EPHA6: variants seen among roughly 807,000 people sequenced by gnomAD.
EPHA6 encodes ephrin type-A receptor 6.
In EPHA6, 50 loss-of-function variants were observed where a neutral mutation model predicts 112.0. The observed-to-expected ratio is 0.45, with a 90% CI of 0.36 to 0.56. The LOEUF (loss-of-function observed/expected upper bound fraction) is 0.56, where lower values mean the gene tolerates loss of function less well. EPHA6 is among the 20% of genes least tolerant of loss of function. The pLI is 0.00. For missense variants in EPHA6, 1,280 were observed against 1,417.4 expected (o/e 0.90, Z 1.56); for synonymous variants, 529 against 490.7 (o/e 1.08, Z -1.03).
chr3:97,440,405 C>T (rs116774058), intron 6 of EPHA6, among the ~76,000 whole-genome samples: 2,253 of 151,806 alleles, frequency 0.015, 49 homozygotes, highest in African/African-American at 0.05. Flanking sequence ...TAGCATATTG[C>T]TCCTAAAATT....
chr3:97,321,183 A>G (rs2082102738), intron 5 of EPHA6, among the ~76,000 whole-genome samples: 1 of 148,880 alleles, frequency 6.7e-6, no homozygotes, highest in Admixed American at 6.6e-5. Context: ...GGATTCATCA[A>G]TGCTGAAATG....
intron 3 of EPHA6, among the ~76,000 whole-genome samples, chr3:97,063,268 AC>A (rs2046079432): frequency 6.6e-6 from 1 of 152,202 alleles, no homozygotes; most frequent in African/African-American, 2.4e-5. Context: ...CATTGCAGCA[AC>A]TATTCACAAT....
intron 3 of EPHA6, among the ~76,000 whole-genome samples, chr3:97,072,366 T>G (rs953018706): frequency 2.0e-5 from 3 of 151,940 alleles, no homozygotes; most frequent in Non-Finnish European, 2.9e-5. Flanking sequence ...AAGAGGGAAA[T>G]TTGGACATAG....
intron 7 of EPHA6, among the ~76,000 whole-genome samples, chr3:97,470,786 A>C (rs2107442171): frequency 6.6e-6 from 1 of 151,716 alleles, no homozygotes; most frequent in Non-Finnish European, 1.5e-5. Context: ...CCTCTTAAGG[A>C]AGTATACTTC....
intron 6 of EPHA6, among the ~76,000 whole-genome samples, chr3:97,407,049 TA>T (rs2087394806): frequency 6.6e-6 from 1 of 152,176 alleles, no homozygotes; most frequent in Admixed American, 6.6e-5. Context: ...AATCACTGTC[TA>T]ATTTTATAGT....
At chr3:96,959,782 A>G (rs991613108) in intron 2 of EPHA6, among the ~76,000 whole-genome samples, 1 of 152,018 alleles carries the variant, frequency 6.6e-6, no homozygotes, top group South Asian at 2.1e-4. Flanking sequence ...AAACAAAAAA[A>G]ATCAAAACGA....
intron 5 of EPHA6, among the ~76,000 whole-genome samples, chr3:97,333,491 T>TTTTTTA (rs1372369893): frequency 6.9e-6 from 1 of 145,470 alleles, no homozygotes; most frequent in African/African-American, 2.6e-5. Context: ...TTTTTTTTTT[T>TTTTTTA]GAGACAGTGT....
Position 97,485,386 on chromosome 3 carries a change from G to A in EPHA6, c.2200+1327G>A, listed in dbSNP as rs549817526. ...GGCACACCTAAACTCAAGGCTGTAC[G>A]TGACTGCACAAGTTACATACTCATG... is the stretch of plus-strand genomic sequence containing the variant. On this transcript the variant is annotated intron_variant, in intron 10 of 17. Coordinates refer to ENST00000389672, the MANE Select transcript of EPHA6 (RefSeq NM_001080448.3). 5.9e-5 allele frequency among the ~76,000 whole-genome samples: 9 copies of A among 152,276 alleles called. No homozygotes were observed. The South Asian group carries it at 1.5e-3, about 25-fold the overall frequency.
intron 3 of EPHA6, among the ~76,000 whole-genome samples, chr3:97,101,136 G>C (rs1229853549): frequency 1.3e-5 from 2 of 151,920 alleles, no homozygotes; most frequent in Non-Finnish European, 2.9e-5. Flanking sequence ...GTCAATTCAA[G>C]CTTTTACAGT....
intron 11 of EPHA6, among the ~76,000 whole-genome samples, chr3:97,577,034 A>T (rs551679455): frequency 1.3e-5 from 2 of 152,282 alleles, no homozygotes; most frequent in African/African-American, 4.8e-5. Context: ...TTATTTATTT[A>T]GAGACAAGAT....
intron 6 of EPHA6, among the ~76,000 whole-genome samples, chr3:97,418,763 A>G (rs2088348562): frequency 6.6e-6 from 1 of 152,094 alleles, no homozygotes; most frequent in South Asian, 2.1e-4. Flanking sequence ...CATGTACATA[A>G]ATCTGAAAAA....
chr3:96,908,099 G>A (rs566431989), intron 2 of EPHA6, among the ~76,000 whole-genome samples: 81 of 151,968 alleles, frequency 5.3e-4, no homozygotes, highest in African/African-American at 1.9e-3. Context: ...TAACACAATG[G>A]TAAGTATTTG....
chr3:97,526,020 C>T (rs953655176), intron 10 of EPHA6, among the ~76,000 whole-genome samples: 4 of 152,154 alleles, frequency 2.6e-5, no homozygotes, highest in Non-Finnish European at 5.9e-5. Flanking sequence ...TAAACTGAGA[C>T]ATAAGATTGT....
chr3:97,510,456 G>T (rs1246307945), intron 10 of EPHA6, among the ~76,000 whole-genome samples: 4 of 152,166 alleles, frequency 2.6e-5, no homozygotes, highest in Non-Finnish European at 2.9e-5. Flanking sequence ...TCTGCTGCAG[G>T]TCTGCTGGGG....
chr3:97,257,390 A>G (rs546136314), intron 5 of EPHA6, among the ~76,000 whole-genome samples: 3 of 152,158 alleles, frequency 2.0e-5, no homozygotes, highest in South Asian at 4.1e-4. Context: ...GACAAGAGCG[A>G]TCAATTCTGA....
At chr3:97,297,842 C>G (rs2080931917) in intron 5 of EPHA6, among the ~76,000 whole-genome samples, 1 of 152,166 alleles carries the variant, frequency 6.6e-6, no homozygotes, top group African/African-American at 2.4e-5. Context: ...TGGCTCACTG[C>G]AACCTCCACT....
chr3:97,038,308 T>C (rs1019904431), intron 3 of EPHA6, among the ~76,000 whole-genome samples: 3 of 151,194 alleles, frequency 2.0e-5, no homozygotes, highest in Non-Finnish European at 3.0e-5. Flanking sequence ...CTTCATCCTT[T>C]CCCCCCCCAT....
intron 6 of EPHA6, among the ~76,000 whole-genome samples, chr3:97,440,991 T>A (rs1210417659): frequency 6.6e-6 from 1 of 152,062 alleles, no homozygotes; most frequent in Non-Finnish European, 1.5e-5. Flanking sequence ...AAAATAATTT[T>A]AAATGATAGT....
intron 2 of EPHA6, among the ~76,000 whole-genome samples, chr3:96,978,804 A>G (rs550840814): frequency 6.6e-6 from 1 of 152,286 alleles, no homozygotes; most frequent in South Asian, 2.1e-4. Context: ...TTCTTGGTTT[A>G]TATCGGTTCT....
Sources: gnomAD v4.1 joint callset for allele counts (sites outside exome capture counted in the v4.1 genomes callset) on GRCh38, gnomAD v4.1.1 for gene constraint, MANE v1.5 for transcripts, NCBI Gene and HGNC (gene_info 2026-07-23, HGNC 2026-07-21) for gene names.